ATF3: variants seen among roughly 807,000 people sequenced by gnomAD.
ATF3 encodes cyclic AMP-dependent transcription factor ATF-3.
ATF3 carries 10 observed loss-of-function variants against 18.4 expected under a neutral mutation model. That is an observed-to-expected ratio of 0.54 (90% confidence interval 0.34 to 0.92). The LOEUF (loss-of-function observed/expected upper bound fraction) is 0.92. ATF3 is among the 40% of genes least tolerant of loss of function. The pLI, the probability that ATF3 is intolerant of heterozygous loss-of-function variation, is 0.02. For missense variants in ATF3, 183 were observed against 222.3 expected (o/e 0.82, Z 1.12); for synonymous variants, 78 against 87.9 (o/e 0.89, Z 0.63).
At chr1:212,595,217 C>A (rs527422724) in intron 1 of ATF3, among the ~76,000 whole-genome samples, 1 of 152,148 alleles carries the variant, frequency 6.6e-6, no homozygotes, top group African/African-American at 2.4e-5. Flanking sequence ...CTCTTTGGCT[C>A]GTTAGAAAAA....
Position 212,615,238 on chromosome 1 carries a change from G to T in ATF3, c.217G>T (p.Gly73Trp). ...AGTCACTGTCAGCGACAGACCCCTC[G>T]GGGTGTCCATCACAAAAGCCGAGGT... is the stretch of plus-strand genomic sequence containing the variant. ...ESVTVSDRPL[G>W]VSITKAEVAP... Residue 73 changes from glycine to tryptophan, a missense_variant, in exon 2 of 4, where the codon GGG becomes TGG. By Grantham distance (184) the Gly-to-Trp change is radical. Transcript: ENST00000341491. 2.5e-6 allele frequency: 4 copies of T among 1,613,982 alleles called. No homozygotes were observed. Among genetic ancestry groups the T allele is most frequent in the Non-Finnish European group, 3.4e-6 (4 of 1,179,906 alleles).
At chr1:212,570,710 A>C (rs1389753537) in intron 1 of ATF3, among the ~76,000 whole-genome samples, 1 of 152,160 alleles carries the variant, frequency 6.6e-6, no homozygotes, top group Non-Finnish European at 1.5e-5. Flanking sequence ...TATGGAATGG[A>C]GTCACACAGC....
intron 2 of ATF3, among the ~76,000 whole-genome samples, chr1:212,615,635 C>T (rs1655089088): frequency 1.3e-5 from 2 of 151,708 alleles, no homozygotes; most frequent in South Asian, 4.2e-4. Context: ...CACAATGAAA[C>T]CCAATCTCTA....
At chr1:212,604,051 CA>C (rs1654557039), upstream of ATF3, among the ~76,000 whole-genome samples, 1 of 151,932 alleles carries the variant, frequency 6.6e-6, no homozygotes, top group African/African-American at 2.4e-5. Flanking sequence ...TTCATAATGA[CA>C]AAAAAATTAT....
chr1:212,610,760 TCTACCTGG>T (rs2102651375), intron 1 of ATF3, among the ~76,000 whole-genome samples: 1 of 152,346 alleles, frequency 6.6e-6, no homozygotes, highest in East Asian at 1.9e-4. Context: ...TGACCCCTTA[TCTACCTGG>T]CTAATGGCTC....
chr1:212,603,647 A>G (rs1654543676), intron 1 of ATF3, among the ~76,000 whole-genome samples: 1 of 152,236 alleles, frequency 6.6e-6, no homozygotes, highest in Non-Finnish European at 1.5e-5. Context: ...TAAGTAAATC[A>G]TAGAACATCC....
chr1:212,617,018 G>C (rs1359112112), intron 2 of ATF3, among the ~76,000 whole-genome samples: 1 of 152,104 alleles, frequency 6.6e-6, no homozygotes, highest in Non-Finnish European at 1.5e-5. Context: ...GGACAGTCTG[G>C]GCTAGAGATA....
upstream of ATF3, among the ~76,000 whole-genome samples, chr1:212,605,396 T>C (rs1571779060): frequency 3.3e-5 from 5 of 152,248 alleles, 1 homozygote; most frequent in Admixed American, 3.3e-4. Flanking sequence ...CAGAATAAAG[T>C]ATAAGAAAAT....
chr1:212,565,887 T>C (rs1181499211), intron 1 of ATF3, among the ~76,000 whole-genome samples: 1 of 152,204 alleles, frequency 6.6e-6, no homozygotes, highest in African/African-American at 2.4e-5. Flanking sequence ...TGATTACTCA[T>C]AATGGGAAGC....
intron 1 of ATF3, among the ~76,000 whole-genome samples, chr1:212,596,342 C>A (rs1664993651): frequency 6.6e-6 from 1 of 152,172 alleles, no homozygotes; most frequent in African/African-American, 2.4e-5. Context: ...TTTCACCATC[C>A]AAATATTTAT....
intron 1 of ATF3, among the ~76,000 whole-genome samples, chr1:212,572,573 T>C (rs1320651958): frequency 6.6e-6 from 1 of 152,208 alleles, no homozygotes; most frequent in South Asian, 2.1e-4. Context: ...TTAATTATTA[T>C]TTTGGTTGAA....
intron 1 of ATF3, among the ~76,000 whole-genome samples, chr1:212,596,368 T>G (rs899662353): frequency 2.0e-5 from 3 of 152,254 alleles, no homozygotes; most frequent in Admixed American, 6.5e-5. Flanking sequence ...AGAGAGATGT[T>G]TCTAAGAACA....
intron 1 of ATF3, among the ~76,000 whole-genome samples, chr1:212,585,331 G>A (rs941831462): frequency 3.3e-5 from 5 of 152,084 alleles, no homozygotes; most frequent in Middle Eastern, 3.2e-3. Flanking sequence ...CAGTCCTGGC[G>A]AACTTCCTTC....
chr1:212,568,731 C>T (rs1183723479), intron 1 of ATF3, among the ~76,000 whole-genome samples: 1 of 152,102 alleles, frequency 6.6e-6, no homozygotes, highest in Non-Finnish European at 1.5e-5. Context: ...GCCGATTCTC[C>T]GATGGGGGTA....
chr1:212,613,548 A>G (rs1160558767), intron 1 of ATF3: 1 of 152,196 alleles, frequency 6.6e-6, no homozygotes, highest in Non-Finnish European at 1.5e-5. Flanking sequence ...ATCTTAACTC[A>G]CTGGGTTCTC....
intron 2 of ATF3, among the ~76,000 whole-genome samples, chr1:212,617,336 C>T (rs373994737): frequency 5.9e-5 from 9 of 152,326 alleles, no homozygotes; most frequent in East Asian, 5.8e-4. Context: ...GGTGAGAAGT[C>T]TGGGAGGTGG....
chr1:212,606,485 T>C (rs1654626836), upstream of ATF3, among the ~76,000 whole-genome samples: 1 of 152,216 alleles, frequency 6.6e-6, no homozygotes, highest in African/African-American at 2.4e-5. Flanking sequence ...CCCACCCCAA[T>C]TATCCTTCCC....
chr1:212,580,924 A>G (rs1424675167), intron 1 of ATF3, among the ~76,000 whole-genome samples: 7 of 152,092 alleles, frequency 4.6e-5, no homozygotes, highest in Non-Finnish European at 1.0e-4. Context: ...GCCCCCCACC[A>G]TGCCCGGCTA....
At chr1:212,593,537 C>T (rs537455152) in intron 1 of ATF3, among the ~76,000 whole-genome samples, 89 of 151,810 alleles carry the variant, frequency 5.9e-4, no homozygotes, top group African/African-American at 2.1e-3. Flanking sequence ...GCATTCAAGA[C>T]CAGCCTGGGC....
Sources: allele counts gnomAD v4.1 joint callset (sites outside exome capture counted in the v4.1 genomes callset), GRCh38; gene constraint gnomAD v4.1.1; transcripts MANE v1.5; gene names NCBI Gene and HGNC (gene_info 2026-07-23, HGNC 2026-07-21).